Variants in HMGB1 observed in about 807,000 individuals in gnomAD.
HMGB1 encodes the protein high mobility group box 1.
For missense variants in HMGB1, 79 were observed against 253.5 expected, an observed-to-expected ratio of 0.31 and a Z score of 4.67; for synonymous variants, 81 against 84.0, an observed-to-expected ratio of 0.96 and a Z score of 0.19.
At position 30,474,965 on chromosome 13, in the gene HMGB1, T is replaced by G. The variant is rs1316083473; in HGVS notation, c.-14-11271A>C. Among the ~76,000 whole-genome samples, 56 of 129,146 alleles carry G rather than the reference T, an allele frequency of 4.3e-4. 6 individuals are homozygous for G. Among genetic ancestry groups the G allele is most frequent in the South Asian group, 1.0e-3 (4 of 3,836 alleles). 84.7% of individuals were successfully genotyped at this position (129,146 alleles called of 152,430 possible). On this transcript the variant is annotated intron_variant, in intron 1 of 4. Transcript: ENST00000405805. ...TTTTTTCTTTTCTTTTTTTGTTTTT[T>G]TTTTTTTTTTTTTTTTGAGACAGGG...
At chr13:30,581,121 C>A (rs1257803966) in intron 1 of HMGB1, among the ~76,000 whole-genome samples, 1 of 152,108 alleles carries the variant, frequency 6.6e-6, no homozygotes, top group East Asian at 1.9e-4. Flanking sequence ...AGCAGACTTA[C>A]AGCAGTAGGT....
intron 1 of HMGB1, among the ~76,000 whole-genome samples, chr13:30,555,723 G>A (rs1447330519): frequency 6.6e-6 from 1 of 152,162 alleles, no homozygotes; most frequent in Non-Finnish European, 1.5e-5. Flanking sequence ...ACCTTTGAAT[G>A]ACAGATTTAA....
intron 1 of HMGB1, among the ~76,000 whole-genome samples, chr13:30,560,251 A>G (rs1034318411): frequency 4.6e-5 from 7 of 152,240 alleles, no homozygotes; most frequent in Non-Finnish European, 1.5e-5. Flanking sequence ...TGTAAGTCAA[A>G]GCAGGAAAAA....
chr13:30,567,504 C>A (rs987305497), intron 1 of HMGB1, among the ~76,000 whole-genome samples: 1 of 152,072 alleles, frequency 6.6e-6, no homozygotes, highest in Admixed American at 6.6e-5. Flanking sequence ...TGTGCACCCC[C>A]ACACCCAGCT....
At chr13:30,520,576 G>A (rs983928286) in intron 1 of HMGB1, among the ~76,000 whole-genome samples, 3 of 152,016 alleles carry the variant, frequency 2.0e-5, no homozygotes, top group African/African-American at 7.3e-5. Context: ...GCTGTGATCA[G>A]GCCACTGCAC....
In HMGB1 at chr13:30,463,370, G is replaced by A. The variant is rs375874287; in HGVS notation, c.151-18C>T. ...GACATGGTCTACAAAATAATTATTT[G>A]TAAGTTTAAGTTGTAACATTTAAGT... is the stretch of plus-strand genomic sequence containing the variant. On this transcript the variant is annotated intron_variant, in intron 2 of 4. Transcript: ENST00000341423. 6.3e-7 allele frequency: 1 copy of A among 1,577,684 alleles called. No individual in the cohort carries two copies. The highest frequency in any genetic ancestry group is 1.4e-5 in the African/African-American group (1 of 72,714).
Position 30,461,426 on chromosome 13 carries a change from A to G in HMGB1, c.579T>C (p.Asp193=), listed in dbSNP as rs10444632. The G allele has an allele frequency of 2.6e-4, 406 of 1,589,924 alleles. No homozygotes were observed. The highest frequency in any genetic ancestry group is 2.0e-3 in the Middle Eastern group (9 of 4,516). ...KKKEEEEDEE[D]EEDEEEEEDE... ...CTTCCTCCTCCTCCTCATCCTCTTCATCTTCCTCATCTTCCTCCTCTTCCT... is the reference window on the plus strand; with the variant it reads ...CTTCCTCCTCCTCCTCATCCTCTTCGTCTTCCTCATCTTCCTCCTCTTCCT... The change falls in exon 5 of 5, where the codon GAT becomes GAC. Residue 193 remains aspartate (D), a synonymous_variant. Coordinates refer to ENST00000341423, the MANE Select transcript of HMGB1 (RefSeq NM_002128.7).
chr13:30,578,133 C>G (rs1593322974), intron 1 of HMGB1, among the ~76,000 whole-genome samples: 1 of 151,972 alleles, frequency 6.6e-6, no homozygotes, highest in South Asian at 2.1e-4. Flanking sequence ...CGTCCTTGCC[C>G]TTTGCTTCCC....
chr13:30,510,334 A>G (rs1887964798), intron 1 of HMGB1, among the ~76,000 whole-genome samples: 1 of 152,222 alleles, frequency 6.6e-6, no homozygotes, highest in South Asian at 2.1e-4. Context: ...TTTCTACATC[A>G]TAAATCTCTC....
intron 1 of HMGB1, among the ~76,000 whole-genome samples, chr13:30,607,810 A>G (rs1351972997): frequency 1.3e-5 from 2 of 152,226 alleles, no homozygotes; most frequent in Non-Finnish European, 2.9e-5. Flanking sequence ...AGCAAATTTT[A>G]TAATATATAT....
chr13:30,585,273 G>A (rs568454034), intron 1 of HMGB1, among the ~76,000 whole-genome samples: 11 of 152,142 alleles, frequency 7.2e-5, no homozygotes, highest in Admixed American at 2.6e-4. Context: ...TGGGTAGCCC[G>A]CGCCACTGCA....
chr13:30,564,575 A>G (rs1204761644), intron 1 of HMGB1, among the ~76,000 whole-genome samples: 1 of 152,202 alleles, frequency 6.6e-6, no homozygotes. Context: ...GGTTTATAAT[A>G]CCTAAAAGTA....
intron 1 of HMGB1, among the ~76,000 whole-genome samples, chr13:30,522,269 T>C (rs965384977): frequency 1.3e-5 from 2 of 152,130 alleles, no homozygotes; most frequent in Non-Finnish European, 2.9e-5. Flanking sequence ...GATGCCATCA[T>C]GCCCAGCTAA....
At chr13:30,473,188 C>T (rs950635308) in intron 1 of HMGB1, among the ~76,000 whole-genome samples, 2 of 152,166 alleles carry the variant, frequency 1.3e-5, no homozygotes, top group African/African-American at 4.8e-5. Flanking sequence ...TAAGTACCTC[C>T]TGCCTCAGCC....
chr13:30,564,627 T>C (rs949700475), intron 1 of HMGB1, among the ~76,000 whole-genome samples: 1 of 152,236 alleles, frequency 6.6e-6, no homozygotes. Context: ...GATTTTTCTA[T>C]TGTGGCCACT....
At chr13:30,603,482 A>G (rs1423444146) in intron 1 of HMGB1, among the ~76,000 whole-genome samples, 1 of 152,212 alleles carries the variant, frequency 6.6e-6, no homozygotes, top group Non-Finnish European at 1.5e-5. Context: ...ACCTTTGTAG[A>G]ATCTCTGAGG....
At chr13:30,546,217 G>A (rs1869151434) in intron 1 of HMGB1, among the ~76,000 whole-genome samples, 2 of 152,178 alleles carry the variant, frequency 1.3e-5, no homozygotes, top group South Asian at 2.1e-4. Context: ...CCGGGTTCAA[G>A]CAATTCCCCT....
At chr13:30,507,512 G>A (rs149442032) in intron 1 of HMGB1, among the ~76,000 whole-genome samples, 5 of 152,294 alleles carry the variant, frequency 3.3e-5, no homozygotes, top group Non-Finnish European at 7.4e-5. Flanking sequence ...TTCTGTCACC[G>A]CAGAAAGACA....
chr13:30,540,776 G>T (rs1024758571), intron 1 of HMGB1: 4 of 151,956 alleles, frequency 2.6e-5, no homozygotes, highest in African/African-American at 9.7e-5. Context: ...TAGAGACAGG[G>T]TTTCTCCATG....
Sources: allele counts gnomAD v4.1 joint callset (sites outside exome capture counted in the v4.1 genomes callset), GRCh38; gene constraint gnomAD v4.1.1; transcripts MANE v1.5; gene names NCBI Gene and HGNC (gene_info 2026-07-23, HGNC 2026-07-21).